The following HGSNAT variants were observed in gnomAD, a reference collection of about 807,000 sequenced individuals.
HGSNAT encodes the protein heparan-alpha-glucosaminide N-acetyltransferase.
Under a neutral mutation model 85.2 loss-of-function variants are expected in HGSNAT, and 59 were observed. The observed-to-expected ratio is 0.69, with a 90% CI of 0.56 to 0.86. The LOEUF (loss-of-function observed/expected upper bound fraction) is 0.86, where lower values mean the gene tolerates loss of function less well. Ranked by LOEUF, HGSNAT falls within the 40% of genes least tolerant of loss-of-function variation. The probability of loss-of-function intolerance (pLI) is 0.00; values close to 1 mark genes in which losing one functional copy is unlikely to be tolerated. For synonymous variants in HGSNAT, 321 were observed against 304.5 expected (o/e 1.05, Z -0.56); for missense variants, 756 against 777.1 (o/e 0.97, Z 0.32).
At chr8:43,149,376 C>T (rs1802820437) in intron 2 of HGSNAT, among the ~76,000 whole-genome samples, 1 of 152,032 alleles carries the variant, frequency 6.6e-6, no homozygotes, top group Non-Finnish European at 1.5e-5. Flanking sequence ...TAGACATAAA[C>T]TTTTAAATTT....
chr8:43,140,762 G>A, intron 1 of HGSNAT, 148 bp downstream of exon 1: 1 of 275,880 alleles, frequency 3.6e-6, no homozygotes, highest in Non-Finnish European at 6.3e-6. Flanking sequence ...CGACTTCGCG[G>A]TCCCGCGCCC....
rs1399874447 is a variant in HGSNAT, at chr8:43,178,249, C to T, written c.1012+15C>T. 2.7e-6 allele frequency: 4 copies of T among 1,498,246 alleles called. No individual in the cohort carries two copies. Among genetic ancestry groups the T allele is most frequent in the Non-Finnish European group, 3.6e-6 (4 of 1,123,304 alleles). The allele number at this position is 1,498,246 out of a possible 1,614,324, so 92.8% of individuals were successfully genotyped here. A position where few individuals can be genotyped will look rare whatever the true frequency, so the allele number is the denominator to read the frequency against. ...CCTTGGTCCATGTAAGTACTTTTTCCCTCTGTTATATATATTCAGGTTGAA... is the reference window on the plus strand; with the variant it reads ...CCTTGGTCCATGTAAGTACTTTTTCTCTCTGTTATATATATTCAGGTTGAA... On this transcript the variant is annotated intron_variant, in intron 10 of 17. Coordinates refer to ENST00000379644, the MANE Select transcript of HGSNAT (RefSeq NM_152419.3).
Position 43,193,786 on chromosome 8 carries a change from C to A in HGSNAT, c.1407C>A (p.Asp469Glu). The A allele has an allele frequency of 6.2e-7, 1 of 1,613,822 alleles. No homozygotes were observed. Among genetic ancestry groups the A allele is most frequent in the Non-Finnish European group, 8.5e-7 (1 of 1,179,758 alleles). ...AVLYHTEVAY[D>E]PEGILGTINS... The stretch of plus-strand genomic sequence containing the variant: ...TTTACCACACCGAGGTGGCCTATGA[C>A]CCCGAGGGCATCCTGGGCACCATCA... The change falls in exon 14 of 18, where the codon GAC becomes GAA. Residue 469 changes from aspartate to glutamate, a missense_variant. By Grantham distance (45) the Asp-to-Glu change is conservative (BLOSUM62 2). Transcript: ENST00000379644.
intron 11 of HGSNAT, among the ~76,000 whole-genome samples, chr8:43,188,617 A>G (rs186422035): frequency 1.2e-3 from 188 of 152,162 alleles, no homozygotes; most frequent in African/African-American, 4.4e-3. Flanking sequence ...GAAGTTTGTT[A>G]TTACCATTCA....
Position 43,170,722 on chromosome 8 carries a change from G to A in HGSNAT, c.743+28G>A. ...ATGTGGGCCTCCCTGTAGCACAGTG[G>A]GTGCAGGTAGTCACAGGACTACATA... On this transcript the variant is annotated intron_variant, in intron 7 of 17. Transcript: ENST00000379644. The A allele has an allele frequency of 1.4e-6, 2 of 1,422,860 alleles. 1 individual carries two copies. The highest frequency in any genetic ancestry group is 2.5e-5 in the South Asian group (2 of 81,378). 88.1% of individuals were successfully genotyped at this position (1,422,860 alleles called of 1,614,324 possible). A position where few individuals can be genotyped will look rare whatever the true frequency, so the allele number is the denominator to read the frequency against.
intron 11 of HGSNAT, among the ~76,000 whole-genome samples, chr8:43,187,400 C>T (rs1804354916): frequency 6.6e-6 from 1 of 152,118 alleles, no homozygotes; most frequent in African/African-American, 2.4e-5. Flanking sequence ...TATGTAATGG[C>T]CTTCTTTGTC....
At chr8:43,154,163 A>G (rs1207263222) in intron 2 of HGSNAT, among the ~76,000 whole-genome samples, 1 of 152,150 alleles carries the variant, frequency 6.6e-6, no homozygotes, top group Non-Finnish European at 1.5e-5. Flanking sequence ...TAGCCACACA[A>G]ACTTCTTGTA....
rs1328390576 is a variant in HGSNAT, at chr8:43,141,017, C to G, written c.118+403C>G. On this transcript the variant is annotated intron_variant, in intron 1 of 17. Coordinates refer to ENST00000379644, the MANE Select transcript of HGSNAT (RefSeq NM_152419.3). ...GGCTCGGACTCCCCCTGCACCCAGT[C>G]CACTGTTCGGAGGGACTTAGAGCAG... is the stretch of plus-strand genomic sequence containing the variant. 2.6e-5 allele frequency among the ~76,000 whole-genome samples: 4 copies of G among 152,318 alleles called. No individual in the cohort carries two copies. In the East Asian group the frequency reaches 5.8e-4, roughly 22 times the overall value.
intron 11 of HGSNAT, among the ~76,000 whole-genome samples, chr8:43,190,170 C>T (rs1024928921): frequency 1.3e-5 from 2 of 152,146 alleles, no homozygotes; most frequent in Non-Finnish European, 2.9e-5. Flanking sequence ...TTTGTGATTA[C>T]TTCCTCTCTT....
At chr8:43,173,366 A>G (rs1438911791) in intron 8 of HGSNAT, among the ~76,000 whole-genome samples, 1 of 151,002 alleles carries the variant, frequency 6.6e-6, no homozygotes, top group African/African-American at 2.4e-5. Flanking sequence ...CTGGAGTGCA[A>G]TGGCGCGATC....
chr8:43,155,538 A>G (rs1048206140), intron 2 of HGSNAT, among the ~76,000 whole-genome samples: 7 of 152,068 alleles, frequency 4.6e-5, no homozygotes, highest in Admixed American at 4.6e-4. Context: ...CTCCCATTCT[A>G]TAGCTTGTTT....
chr8:43,161,369 A>G, intron 4 of HGSNAT, 69 bp from the exon 5 acceptor site: 2 of 1,221,016 alleles, frequency 1.6e-6, no homozygotes, highest in Non-Finnish European at 2.4e-6. Flanking sequence ...GATAAATGTA[A>G]TGATGTGATG....
chr8:43,150,431 C>G (rs1250488899), intron 2 of HGSNAT, among the ~76,000 whole-genome samples: 1 of 151,964 alleles, frequency 6.6e-6, no homozygotes, highest in African/African-American at 2.4e-5. Flanking sequence ...TTGAGACCAG[C>G]TGGGGCAACA....
At position 43,140,570 on chromosome 8, in the gene HGSNAT, C is replaced by G. The variant is rs2130648242; in HGVS notation, c.74C>G (p.Pro25Arg). Residue 25 changes from proline (P) to arginine (R), a missense_variant, in exon 1 of 18, where the codon CCC becomes CGC. Coordinates refer to ENST00000379644, the MANE Select transcript of HGSNAT (RefSeq NM_152419.3). The stretch of plus-strand genomic sequence containing the variant: ...GTGCTGAGCGCCGCGCTGCTGGCCC[C>G]CGGCGGCTCTTCGGGGCGCGATGCC... Reference protein sequence around the residue: ...ASVLSAALLAPGGSSGRDAQA... With the variant: ...ASVLSAALLARGGSSGRDAQA... 1.6e-6 allele frequency: 2 copies of G among 1,225,330 alleles called. No individual in the cohort carries two copies. Among genetic ancestry groups the G allele is most frequent in the Non-Finnish European group, 1.0e-6 (1 of 976,416 alleles). 75.9% of individuals were successfully genotyped at this position (1,225,330 alleles called of 1,614,324 possible).
intron 9 of HGSNAT, among the ~76,000 whole-genome samples, chr8:43,174,805 A>G (rs902170626): frequency 3.9e-5 from 6 of 152,170 alleles, no homozygotes; most frequent in Admixed American, 2.0e-4. Context: ...TTAAATGTAC[A>G]GTAAATTATT....
intron 2 of HGSNAT, among the ~76,000 whole-genome samples, chr8:43,155,583 A>T (rs1803064989): frequency 6.6e-6 from 1 of 152,056 alleles, no homozygotes; most frequent in Non-Finnish European, 1.5e-5. Flanking sequence ...CACTGTGCAT[A>T]GGCTTTTTTA....
chr8:43,147,579 A>C (rs1490999805), intron 2 of HGSNAT, among the ~76,000 whole-genome samples: 1 of 152,276 alleles, frequency 6.6e-6, no homozygotes, highest in Non-Finnish European at 1.5e-5. Flanking sequence ...TAAAAAAAGA[A>C]TGAAATCATG....
In HGSNAT at chr8:43,151,922, C is replaced by T. The variant is rs1210819170; in HGVS notation, c.234+4859C>T. Among the ~76,000 whole-genome samples the T allele has an allele frequency of 2.0e-5, 3 of 152,134 alleles. No individual in the cohort carries two copies. In the South Asian group the frequency reaches 6.2e-4, roughly 32 times the overall value. On this transcript the variant is annotated intron_variant, in intron 2 of 17. Transcript: ENST00000379644. ...ATAAAGTGACATTTTTCTGGGTTAC[C>T]TAGCTGTTAGGTGGCAAAGCTACAA...
intron 11 of HGSNAT, among the ~76,000 whole-genome samples, chr8:43,185,189 T>G (rs947414807): frequency 1.9e-4 from 29 of 152,222 alleles, no homozygotes; most frequent in Non-Finnish European, 1.5e-5. Context: ...CATTGGTAGC[T>G]TGATGGGGAT....
Sources: allele counts gnomAD v4.1 joint callset (sites outside exome capture counted in the v4.1 genomes callset), GRCh38; gene constraint gnomAD v4.1.1; transcripts MANE v1.5; gene names NCBI Gene and HGNC (gene_info 2026-07-23, HGNC 2026-07-21).